CCSER1: variants seen among roughly 807,000 people sequenced by gnomAD.
The protein encoded by CCSER1 is coiled-coil serine rich protein 1.
Under a neutral mutation model 82.0 loss-of-function variants are expected in CCSER1, and 41 were observed. The ratio of observed to expected loss-of-function variants is 0.50; its 90% CI spans 0.39 to 0.65. CCSER1 has a LOEUF of 0.65. Ranked by LOEUF, CCSER1 falls within the 30% of genes least tolerant of loss-of-function variation. CCSER1 has a pLI of 0.00. For synonymous variants in CCSER1, 414 were observed against 383.9 expected, an observed-to-expected ratio of 1.08 and a Z score of -0.92; for missense variants, 1,119 against 1,064.2, an observed-to-expected ratio of 1.05 and a Z score of -0.72.
chr4:90,812,332 G>T (rs944841106), intron 7 of CCSER1, among the ~76,000 whole-genome samples: 1 of 152,046 alleles, frequency 6.6e-6, no homozygotes, highest in African/African-American at 2.4e-5. Context: ...GACACACCCT[G>T]GATCAATACC....
intron 10 of CCSER1, among the ~76,000 whole-genome samples, chr4:91,275,922 A>G: frequency 6.6e-6 from 1 of 151,980 alleles, no homozygotes; most frequent in East Asian, 1.9e-4. Flanking sequence ...GGACTCCTTT[A>G]CTCCAATTTA....
chr4:90,738,129 G>A (rs1016607939), intron 7 of CCSER1, among the ~76,000 whole-genome samples: 1 of 152,128 alleles, frequency 6.6e-6, no homozygotes, highest in Non-Finnish European at 1.5e-5. Context: ...GTGAGGTCAT[G>A]TTTTCCTAGA....
chr4:91,019,414 G>A lies in CCSER1; in HGVS notation c.2173-66536G>A, dbSNP rs531627646. Among the ~76,000 whole-genome samples the A allele has an allele frequency of 2.8e-4, 43 of 151,784 alleles. No homozygotes were observed. The South Asian group carries it at 7.9e-3, about 28-fold the overall frequency. ...CATGACTTATTGATTCTAAAAACAC[G>A]AATTATTTTAGCTTACTGCTTGAGT... On this transcript the variant is annotated intron_variant, in intron 9 of 10. Coordinates refer to ENST00000509176, the MANE Select transcript of CCSER1 (RefSeq NM_001145065.2).
intron 1 of CCSER1, among the ~76,000 whole-genome samples, chr4:90,213,183 G>A (rs1470508037): frequency 6.6e-6 from 1 of 152,188 alleles, no homozygotes; most frequent in African/African-American, 2.4e-5. Flanking sequence ...TGACAGGGTG[G>A]TAGCAGTGGA....
chr4:91,166,320 A>G (rs769581323), intron 10 of CCSER1, among the ~76,000 whole-genome samples: 1 of 152,198 alleles, frequency 6.6e-6, no homozygotes, highest in Non-Finnish European at 1.5e-5. Context: ...TATTTGTTGA[A>G]CACCAACTAT....
At chr4:91,355,639 A>G (rs1030695249) in intron 10 of CCSER1, among the ~76,000 whole-genome samples, 1 of 152,146 alleles carries the variant, frequency 6.6e-6, no homozygotes, top group Admixed American at 6.5e-5. Context: ...AAAAAGTCCA[A>G]ATTTTAAGGA....
Position 90,239,566 on chromosome 4 carries a change from A to T in CCSER1, c.-41-68678A>T, listed in dbSNP as rs576145921. On this transcript the variant is annotated intron_variant, in intron 1 of 10. Transcript: ENST00000509176. ...ACTTAGGCTGGAGAGCAGTGGTACA[A>T]TTATGGTTCACTGCAGCTTCCAACT... Among the ~76,000 whole-genome samples the T allele has an allele frequency of 9.9e-5, 15 of 152,262 alleles. No individual in the cohort carries two copies. In the East Asian group the frequency reaches 2.9e-3, roughly 29 times the overall value.
chr4:90,842,196 C>T (rs1209014427), intron 8 of CCSER1, among the ~76,000 whole-genome samples: 1 of 152,094 alleles, frequency 6.6e-6, no homozygotes, highest in African/African-American at 2.4e-5. Flanking sequence ...ATTTTGAAAG[C>T]AAAAACATAT....
intron 10 of CCSER1, among the ~76,000 whole-genome samples, chr4:91,234,695 T>C (rs1294455711): frequency 6.6e-6 from 1 of 152,150 alleles, no homozygotes; most frequent in African/African-American, 2.4e-5. Context: ...TGTAGTGACA[T>C]TTCACTTTGA....
chr4:91,488,832 A>G (rs1758358683), intron 10 of CCSER1, among the ~76,000 whole-genome samples: 1 of 152,194 alleles, frequency 6.6e-6, no homozygotes, highest in South Asian at 2.1e-4. Context: ...GAGATACAAC[A>G]GTGAAATAAA....
intron 10 of CCSER1, among the ~76,000 whole-genome samples, chr4:91,479,831 C>T (rs1189382021): frequency 3.5e-5 from 5 of 142,176 alleles, no homozygotes; most frequent in African/African-American, 1.0e-4. Flanking sequence ...CATGCTGGTG[C>T]GCTGCACCCA....
chr4:90,661,578 AGAT>A (rs1004910814), intron 6 of CCSER1, among the ~76,000 whole-genome samples: 15 of 152,320 alleles, frequency 9.8e-5, no homozygotes, highest in African/African-American at 3.6e-4. Flanking sequence ...CTATAGTGTG[AGAT>A]GATTTATGTT....
chr4:90,320,806 G>A (rs1579163953), intron 3 of CCSER1, among the ~76,000 whole-genome samples: 1 of 151,928 alleles, frequency 6.6e-6, no homozygotes, highest in South Asian at 2.1e-4. Flanking sequence ...ATGTTTGTTG[G>A]GCAAAATTAG....
intron 10 of CCSER1, among the ~76,000 whole-genome samples, chr4:91,150,552 T>C (rs1298365505): frequency 6.6e-6 from 1 of 152,140 alleles, no homozygotes; most frequent in African/African-American, 2.4e-5. Flanking sequence ...ATCCCTGTCT[T>C]GTGTGCCAGT....
At chr4:91,463,635 T>A (rs1348269492) in intron 10 of CCSER1, among the ~76,000 whole-genome samples, 1 of 152,106 alleles carries the variant, frequency 6.6e-6, no homozygotes, top group Non-Finnish European at 1.5e-5. Context: ...CTAATTAGAA[T>A]AACCAGTGTA....
Position 91,437,672 on chromosome 4 carries a change from C to T in CCSER1, c.2218-160900C>T, listed in dbSNP as rs111731531. 1.2e-3 allele frequency among the ~76,000 whole-genome samples: 177 copies of T among 152,280 alleles called. 2 individuals carry two copies. Among genetic ancestry groups the T allele is most frequent in the African/African-American group, 3.4e-3 (143 of 41,578 alleles). ...GCACCCTGCGCCAGCCGAAGCAGGGCGAGGCATTGCCTCACTCAGGAAGCG... is the reference window on the plus strand; with the variant it reads ...GCACCCTGCGCCAGCCGAAGCAGGGTGAGGCATTGCCTCACTCAGGAAGCG... On this transcript the variant is annotated intron_variant, in intron 10 of 10. Coordinates refer to ENST00000509176, the MANE Select transcript of CCSER1 (RefSeq NM_001145065.2).
Position 91,402,838 on chromosome 4 carries a change from A to G in CCSER1, c.2218-195734A>G, listed in dbSNP as rs150512779. 7.3e-3 allele frequency among the ~76,000 whole-genome samples: 1,106 copies of G among 152,336 alleles called. 20 individuals carry two copies. The highest frequency in any genetic ancestry group is 0.025 in the African/African-American group (1,047 of 41,576). On this transcript the variant is annotated intron_variant, in intron 10 of 10. Transcript: ENST00000509176. ...TGAAGTCAGGTAGCATGATGCCTCCAGCTTTGTTCCTTTTGCTTAGGATTG... is the reference window on the plus strand; with the variant it reads ...TGAAGTCAGGTAGCATGATGCCTCCGGCTTTGTTCCTTTTGCTTAGGATTG...
At chr4:90,937,801 C>T (rs780959137) in intron 9 of CCSER1, among the ~76,000 whole-genome samples, 28 of 152,110 alleles carry the variant, frequency 1.8e-4, no homozygotes, top group Admixed American at 1.0e-3. Flanking sequence ...GATTGGACAA[C>T]GCAAACAAGG....
At chr4:91,037,311 T>C (rs925242189) in intron 9 of CCSER1, among the ~76,000 whole-genome samples, 3 of 151,800 alleles carry the variant, frequency 2.0e-5, no homozygotes, top group Non-Finnish European at 4.4e-5. Context: ...GAGTCAGGCT[T>C]CTGGCCCCAC....
Sources: gnomAD v4.1 joint callset for allele counts (sites outside exome capture counted in the v4.1 genomes callset) on GRCh38, gnomAD v4.1.1 for gene constraint, MANE v1.5 for transcripts, NCBI Gene and HGNC (gene_info 2026-07-23, HGNC 2026-07-21) for gene names.